Variants in PHACTR3 observed in about 807,000 individuals in gnomAD.
PHACTR3 encodes protein phosphatase 1, regulatory subunit 123.
Under a neutral mutation model 66.8 loss-of-function variants are expected in PHACTR3, and 16 were observed. The observed-to-expected ratio is 0.24, with a 90% confidence interval of 0.16 to 0.36. PHACTR3 has a LOEUF of 0.36. PHACTR3 is among the 10% of genes least tolerant of loss of function. The probability of loss-of-function intolerance (pLI) is 1.00; values close to 1 mark genes in which losing one functional copy is unlikely to be tolerated. For synonymous variants in PHACTR3, 323 were observed against 292.1 expected (o/e 1.11, Z -1.08); for missense variants, 647 against 719.9 (o/e 0.90, Z 1.16).
Position 59,841,532 on chromosome 20 carries a change from T to A in PHACTR3, c.1584T>A (p.Asp528Glu). 6.2e-7 allele frequency: 1 copy of A among 1,612,540 alleles called. No individual in the cohort carries two copies. Among genetic ancestry groups the A allele is most frequent in the Non-Finnish European group, 8.5e-7 (1 of 1,179,334 alleles). ...DKPWTRLSAA[D>E]KAAIRKELNE... The stretch of plus-strand genomic sequence containing the variant: ...CCTGGACGAGACTGTCAGCAGCAGA[T>A]AAGGTACCTAACTGCCTGTGCTGGT... The change falls in exon 11 of 13, where the codon GAT becomes GAA. Residue 528 changes from aspartate (D) to glutamate (E), a missense_variant. Physicochemically the swap from Asp to Glu is conservative, Grantham distance 45 (BLOSUM62 2). This residue lies in a region of PHACTR3 where 70 missense variants were observed against 148.8 expected (regional missense o/e 0.47). Transcript: ENST00000371015.
At chr20:59,750,268 A>T (rs2039530839) in intron 3 of PHACTR3, among the ~76,000 whole-genome samples, 1 of 151,640 alleles carries the variant, frequency 6.6e-6, no homozygotes, top group African/African-American at 2.4e-5. Flanking sequence ...GGGCAGGAGG[A>T]CCTAGGCTGG....
intron 1 of PHACTR3, among the ~76,000 whole-genome samples, chr20:59,693,993 A>G (rs988113159): frequency 6.6e-6 from 1 of 152,222 alleles, no homozygotes; most frequent in African/African-American, 2.4e-5. Context: ...GATGGGAAGA[A>G]CAGAGTTCAC....
At chr20:59,596,440 C>T (rs547159757) in intron 1 of PHACTR3, among the ~76,000 whole-genome samples, 2 of 152,286 alleles carry the variant, frequency 1.3e-5, no homozygotes, top group African/African-American at 4.8e-5. Context: ...CCATGCCTGG[C>T]CCTGGTACTG....
intron 7 of PHACTR3, among the ~76,000 whole-genome samples, 196 bp downstream of exon 7, chr20:59,774,686 T>C (rs2040467166): frequency 6.6e-6 from 1 of 151,838 alleles, no homozygotes; most frequent in Admixed American, 6.6e-5. Flanking sequence ...ACAGCCAGGC[T>C]TAGAGCAAGG....
At chr20:59,638,360 G>T (rs981820907) in intron 1 of PHACTR3, among the ~76,000 whole-genome samples, 1 of 152,142 alleles carries the variant, frequency 6.6e-6, no homozygotes, top group Admixed American at 6.6e-5. Context: ...TGGGTGGATG[G>T]ATGGGTGGGT....
intron 4 of PHACTR3, among the ~76,000 whole-genome samples, chr20:59,765,089 G>A (rs2040137434): frequency 6.6e-6 from 1 of 152,184 alleles, no homozygotes; most frequent in Non-Finnish European, 1.5e-5. Flanking sequence ...CTTACCTGTG[G>A]CTTAACAAGG....
intron 1 of PHACTR3, among the ~76,000 whole-genome samples, chr20:59,584,058 T>C (rs6128634): frequency 0.13 from 19,607 of 152,182 alleles, 1,620 homozygotes; most frequent in South Asian, 0.28. Flanking sequence ...AAACTGTGGG[T>C]CAAAGGAAAC....
intron 1 of PHACTR3, among the ~76,000 whole-genome samples, chr20:59,683,882 G>A (rs1023261325): frequency 3.2e-4 from 48 of 152,202 alleles, no homozygotes; most frequent in Non-Finnish European, 4.4e-4. Context: ...CTGAGCAGCC[G>A]TTATAGTGGG....
chr20:59,779,153 T>C (rs980393963), intron 7 of PHACTR3, among the ~76,000 whole-genome samples: 3 of 152,220 alleles, frequency 2.0e-5, no homozygotes, highest in African/African-American at 7.2e-5. Flanking sequence ...TCCAGCCATT[T>C]GCAAATTGAG....
At chr20:59,747,545 C>T (rs2039420475) in intron 2 of PHACTR3, among the ~76,000 whole-genome samples, 1 of 152,220 alleles carries the variant, frequency 6.6e-6, no homozygotes, top group Non-Finnish European at 1.5e-5. Context: ...CTACTGCGTG[C>T]ACTGCTCTTT....
chr20:59,643,094 G>A (rs887047501), intron 1 of PHACTR3, among the ~76,000 whole-genome samples: 1 of 152,108 alleles, frequency 6.6e-6, no homozygotes, highest in Non-Finnish European at 1.5e-5. Flanking sequence ...TGTATTTTTA[G>A]TAGAGACGGG....
At chr20:59,717,860 A>G (rs527660499) in intron 1 of PHACTR3, among the ~76,000 whole-genome samples, 2 of 152,308 alleles carry the variant, frequency 1.3e-5, no homozygotes, top group African/African-American at 4.8e-5. Context: ...AAGCACTCAA[A>G]TGTATTCATT....
intron 1 of PHACTR3, among the ~76,000 whole-genome samples, chr20:59,657,251 AGTGTG>A (rs1568681893): frequency 5.8e-5 from 7 of 121,252 alleles, no homozygotes; most frequent in African/African-American, 1.9e-4. Context: ...CAATGATAGA[AGTGTG>A]TTGTGTGTGT....
At chr20:59,779,735 T>G (rs976625582) in intron 7 of PHACTR3, among the ~76,000 whole-genome samples, 7 of 152,242 alleles carry the variant, frequency 4.6e-5, no homozygotes, top group Non-Finnish European at 1.0e-4. Context: ...GGAGAATGCA[T>G]CTGCATGAGA....
At chr20:59,716,341 C>T (rs1435679899) in intron 1 of PHACTR3, among the ~76,000 whole-genome samples, 3 of 151,784 alleles carry the variant, frequency 2.0e-5, no homozygotes, top group African/African-American at 7.3e-5. Context: ...CAACCTCTGC[C>T]TCCCAGGTTC....
chr20:59,735,689 C>T (rs1217288978), intron 1 of PHACTR3, among the ~76,000 whole-genome samples: 2 of 152,148 alleles, frequency 1.3e-5, no homozygotes, highest in Admixed American at 6.5e-5. Flanking sequence ...TTTATTTGGG[C>T]AGCCCCTGGG....
At chr20:59,648,441 AC>A in intron 1 of PHACTR3, among the ~76,000 whole-genome samples, 1 of 152,218 alleles carries the variant, frequency 6.6e-6, no homozygotes, top group Non-Finnish European at 1.5e-5. Flanking sequence ...AAGGTGCTGA[AC>A]CAGAAAAGGT....
intron 7 of PHACTR3, 131 bp downstream of exon 7, chr20:59,774,621 G>C: frequency 1.6e-6 from 2 of 1,264,462 alleles, no homozygotes; most frequent in Non-Finnish European, 2.2e-6. Context: ...AAACAAGAGG[G>C]GGGCTGTGTC....
intron 1 of PHACTR3, among the ~76,000 whole-genome samples, chr20:59,721,600 T>G (rs1489087008): frequency 6.6e-6 from 1 of 152,094 alleles, no homozygotes; most frequent in Non-Finnish European, 1.5e-5. Flanking sequence ...GAAGGCAAAG[T>G]GCGTGTAAAG....
Sources: allele counts gnomAD v4.1 joint callset (sites outside exome capture counted in the v4.1 genomes callset), GRCh38; gene constraint gnomAD v4.1.1; regional missense constraint gnomAD v4.1.1; transcripts MANE v1.5; gene names NCBI Gene and HGNC (gene_info 2026-07-23, HGNC 2026-07-21).